Variants in C2CD2L observed in about 807,000 individuals in gnomAD.
The protein encoded by C2CD2L is C2CD2 like.
C2CD2L carries 24 observed loss-of-function variants against 69.9 expected under a neutral mutation model. The ratio of observed to expected loss-of-function variants is 0.34; its 90% confidence interval spans 0.25 to 0.48. C2CD2L has a LOEUF of 0.48. Ranked by LOEUF, C2CD2L falls within the 20% of genes least tolerant of loss-of-function variation. The pLI, the probability that C2CD2L is intolerant of heterozygous loss-of-function variation, is 0.99. For missense variants in C2CD2L, 811 were observed against 941.5 expected (o/e 0.86, Z 1.81); for synonymous variants, 367 against 391.0 (o/e 0.94, Z 0.72).
chr11:119,113,321 C>A, intron 10 of C2CD2L: 1 of 435,798 alleles, frequency 2.3e-6, no homozygotes, highest in Non-Finnish European at 4.1e-6. Context: ...AGGGGCCCCA[C>A]TGAATTGCCC....
At position 119,110,578 on chromosome 11, in the gene C2CD2L, C is replaced by T. The variant is rs752934761; in HGVS notation, c.468C>T (p.Leu156=). 3.7e-5 allele frequency: 60 copies of T among 1,609,520 alleles called. 1 individual carries two copies. In the Middle Eastern group the frequency reaches 6.2e-4, roughly 17 times the overall value. ...GGTCTCAGGTGCTGCGTTGCCAGCT[C>T]TCTGCTGAGGAGGTGCGGTTCCCAG... ...SEHTMVLRCQ[L]SAEEVRFPVS... is the part of the protein sequence containing the mutation. Residue 156 remains leucine, a synonymous_variant, in exon 3 of 14, where the codon CTC becomes CTT. Transcript: ENST00000648610. This position sits in a 1 kb window ranked among gnomAD's most constrained non-coding sequence, Gnocchi z 5.7.
rs752017704 is a variant in C2CD2L, at chr11:119,116,476, T to C, written c.*220T>C. ...AGGACATGGACGAGGGACTGGTGGC[T>C]GGGAGGGAGAGGAGGGCCCTGTCCG... is the stretch of plus-strand genomic sequence containing the variant. On this transcript the variant is annotated 3_prime_UTR_variant, in exon 14 of 14. Transcript: ENST00000648610. The C allele has an allele frequency of 4.5e-5, 27 of 594,584 alleles. No individual in the cohort carries two copies. Among genetic ancestry groups the C allele is most frequent in the Non-Finnish European group, 7.5e-5 (25 of 333,628 alleles). The allele number at this position is 594,584 out of a possible 1,614,324, so 36.8% of individuals were successfully genotyped here. A position where few individuals can be genotyped will look rare whatever the true frequency, so the allele number is the denominator to read the frequency against.
chr11:119,102,723 C>A (rs901226918), upstream of C2CD2L, among the ~76,000 whole-genome samples: 1 of 152,084 alleles, frequency 6.6e-6, no homozygotes, highest in African/African-American at 2.4e-5. Context: ...GGAATCAGAC[C>A]CACAACTGAT....
rs1946804638 is a variant in C2CD2L, at chr11:119,113,549, C to T, written c.1388-62C>T. 10 of 1,547,368 alleles carry T rather than the reference C, an allele frequency of 6.5e-6. No homozygotes were observed. In the East Asian group the frequency reaches 1.9e-4, roughly 29 times the overall value. ...CCCAAAGTCTGCATCTCAACAAAGA[C>T]AGTAGGGGTGGGGGCCACTCTGAAG... is the stretch of plus-strand genomic sequence containing the variant. On this transcript the variant is annotated intron_variant, in intron 10 of 13. Coordinates refer to ENST00000648610, the MANE Select transcript of C2CD2L (RefSeq NM_001290474.2).
chr11:119,112,685 C>T lies in C2CD2L; in HGVS notation c.1213-15C>T, dbSNP rs771512046. 6.2e-7 allele frequency: 1 copy of T among 1,611,964 alleles called. No homozygotes were observed. The highest frequency in any genetic ancestry group is 2.2e-5 in the East Asian group (1 of 44,872). On this transcript the variant is annotated splice_polypyrimidine_tract_variant and intron_variant, in intron 9 of 13. Coordinates refer to ENST00000648610, the MANE Select transcript of C2CD2L (RefSeq NM_001290474.2). ...CTCCGAGGCTCTGTCTCTTCTCTCT[C>T]CCACCCCTGGGCAGCTTCACTATGA...
At chr11:119,115,977 G>T in intron 13 of C2CD2L, 68 bp from the exon 14 acceptor site, 1 of 1,283,202 alleles carries the variant, frequency 7.8e-7, no homozygotes, top group Non-Finnish European at 1.1e-6. Flanking sequence ...ATTCTCCATC[G>T]TGTCTCTGCC....
Position 119,114,631 on chromosome 11 carries a change from G to A in C2CD2L, c.1909+266G>A. ...CCTGAGTCTAAGTGCCATTTTTCCT[G>A]CCCTTTAAAAAAAAATTATAAAAAT... On this transcript the variant is annotated intron_variant, in intron 13 of 13. Transcript: ENST00000648610. The surrounding 1 kb of genome is among the most constrained non-coding windows in gnomAD (Gnocchi z 5.1). The A allele has an allele frequency of 2.3e-6, 1 of 429,744 alleles. No homozygotes were observed. Among genetic ancestry groups the A allele is most frequent in the Non-Finnish European group, 4.0e-6 (1 of 251,474 alleles). 26.6% of individuals were successfully genotyped at this position (429,744 alleles called of 1,614,324 possible). A position where few individuals can be genotyped will look rare whatever the true frequency, so the allele number is the denominator to read the frequency against.
In C2CD2L at chr11:119,109,034, C is replaced by T. The variant is rs1338425221; in HGVS notation, c.354+939C>T. ...GGCATCTGTCAGTTTACACCTTGAA[C>T]CCACCTCTTCATCCAACTCTCCCTG... is the stretch of plus-strand genomic sequence containing the variant. On this transcript the variant is annotated intron_variant, in intron 1 of 13. Coordinates refer to ENST00000648610, the MANE Select transcript of C2CD2L (RefSeq NM_001290474.2). The surrounding 1 kb of genome is among the most constrained non-coding windows in gnomAD (Gnocchi z 5.1). Among the ~76,000 whole-genome samples the T allele has an allele frequency of 6.6e-6, 1 of 152,200 alleles. No homozygotes were observed. The highest frequency in any genetic ancestry group is 2.4e-5 in the African/African-American group (1 of 41,454).
chr11:119,116,431 G>A lies in C2CD2L; in HGVS notation c.*175G>A. On this transcript the variant is annotated 3_prime_UTR_variant, in exon 14 of 14. Coordinates refer to ENST00000648610, the MANE Select transcript of C2CD2L (RefSeq NM_001290474.2). ...GATACTTGGAACGGGAAGCACATGAGAGGTGGGCACCCGGTGCCGAGGACA... is the reference window on the plus strand; with the variant it reads ...GATACTTGGAACGGGAAGCACATGAAAGGTGGGCACCCGGTGCCGAGGACA... 1 of 614,806 alleles carries A rather than the reference G, an allele frequency of 1.6e-6. No individual in the cohort carries two copies. The highest frequency in any genetic ancestry group is 2.8e-5 in the East Asian group (1 of 36,362). The allele number at this position is 614,806 out of a possible 1,614,324, so 38.1% of individuals were successfully genotyped here.
In C2CD2L at chr11:119,107,791, T is replaced by C. The variant is rs1350348951; in HGVS notation, c.50T>C (p.Ile17Thr). The change falls in exon 1 of 14, where the codon ATC becomes ACC. Residue 17 changes from isoleucine to threonine, a missense_variant. By Grantham distance (89) the Ile-to-Thr change is moderately conservative (BLOSUM62 -1). Coordinates refer to ENST00000648610, the MANE Select transcript of C2CD2L (RefSeq NM_001290474.2). This position sits in a 1 kb window ranked among gnomAD's most constrained non-coding sequence, Gnocchi z 5.4. Reference sequence around the variant, plus strand: ...GACGTGGGCTGGGCGGCCTTGCTGATCCTCTTCGCCGCCTCGCTGCTCACG... The same window carrying C: ...GACGTGGGCTGGGCGGCCTTGCTGACCCTCTTCGCCGCCTCGCTGCTCACG... The part of the protein sequence containing the change: ...QRDVGWAALL[I>T]LFAASLLTVF... The C allele has an allele frequency of 1.3e-6, 2 of 1,548,976 alleles. No individual in the cohort carries two copies. The highest frequency in any genetic ancestry group is 1.2e-5 in the South Asian group (1 of 85,268).
At chr11:119,106,254 C>T (rs750025798), upstream of C2CD2L, among the ~76,000 whole-genome samples, 5 of 152,228 alleles carry the variant, frequency 3.3e-5, no homozygotes, top group Non-Finnish European at 7.4e-5. Flanking sequence ...CTCTTATTCT[C>T]ATGTGCTCAT....
rs1240176802 is a variant in C2CD2L, at chr11:119,110,859, C to T, written c.583C>T (p.Leu195=). Residue 195 remains leucine, a synonymous_variant, in exon 4 of 14, where the codon CTG becomes TTG. Transcript: ENST00000648610. The surrounding 1 kb of genome is among the most constrained non-coding windows in gnomAD (Gnocchi z 5.7). ...TTCCTGTCTGTAGTTGGAAGTCAAC[C>T]TGGAGGAAATCCCTGGTGAGGGGCT... ...TLPPTQLEVN[L]EEIPGEGLLI... 6.2e-7 allele frequency: 1 copy of T among 1,614,062 alleles called. No individual in the cohort carries two copies. Among genetic ancestry groups the T allele is most frequent in the Admixed American group, 1.7e-5 (1 of 60,008 alleles).
At position 119,109,587 on chromosome 11, in the gene C2CD2L, T is replaced by C. The variant is rs1946683432; in HGVS notation, c.355-517T>C. Among the ~76,000 whole-genome samples, 1 of 152,158 alleles carries C rather than the reference T, an allele frequency of 6.6e-6. No homozygotes were observed. The highest frequency in any genetic ancestry group is 6.5e-5 in the Admixed American group (1 of 15,272). On this transcript the variant is annotated intron_variant, in intron 1 of 13. Coordinates refer to ENST00000648610, the MANE Select transcript of C2CD2L (RefSeq NM_001290474.2). This position sits in a 1 kb window ranked among gnomAD's most constrained non-coding sequence, Gnocchi z 5.1. Reference sequence around the variant, plus strand: ...GCATCATACTCTTGAAGCCTCCACATCTTATTTATTTGGAAGAAGGCTTAG... The same window carrying C: ...GCATCATACTCTTGAAGCCTCCACACCTTATTTATTTGGAAGAAGGCTTAG...
At position 119,114,227 on chromosome 11, in the gene C2CD2L, C is replaced by T. The variant is rs1946828263; in HGVS notation, c.1771C>T (p.Leu591Phe). ...CATGTCTCCAGGACCGCTAGATGCC[C>T]TCTCTAGTCCCACAAGTGTCCAGGA... is the stretch of plus-strand genomic sequence containing the variant. ...PAMSPGPLDA[L>F]SSPTSVQEAD... The change falls in exon 13 of 14, where the codon CTC becomes TTC. Residue 591 changes from leucine to phenylalanine, a missense_variant. Physicochemically the swap from Leu to Phe is conservative, Grantham distance 22. Transcript: ENST00000648610. This position sits in a 1 kb window ranked among gnomAD's most constrained non-coding sequence, Gnocchi z 5.1. 1.2e-6 allele frequency: 2 copies of T among 1,614,182 alleles called. No individual in the cohort carries two copies. The highest frequency in any genetic ancestry group is 1.7e-6 in the Non-Finnish European group (2 of 1,180,016).
Position 119,107,640 on chromosome 11 carries a change from C to G in C2CD2L, c.-102C>G. The G allele has an allele frequency of 1.5e-6, 1 of 655,030 alleles. No homozygotes were observed. 40.6% of individuals were successfully genotyped at this position (655,030 alleles called of 1,614,324 possible). A position where few individuals can be genotyped will look rare whatever the true frequency, so the allele number is the denominator to read the frequency against. On this transcript the variant is annotated 5_prime_UTR_variant, in exon 1 of 14. Transcript: ENST00000648610. This position sits in a 1 kb window ranked among gnomAD's most constrained non-coding sequence, Gnocchi z 5.4. Reference sequence around the variant, plus strand: ...AGAGCCCCCGACCCCGCGCGCCCAGCCCCGGGGGAGCCCACCTCCTCCCCG... The same window carrying G: ...AGAGCCCCCGACCCCGCGCGCCCAGGCCCGGGGGAGCCCACCTCCTCCCCG...
chr11:119,113,480 C>A, intron 10 of C2CD2L, 131 bp from the exon 11 acceptor site: 3 of 1,343,666 alleles, frequency 2.2e-6, no homozygotes, highest in South Asian at 1.4e-5. Flanking sequence ...TCCTAATCAC[C>A]CTTGTGATTA....
rs558453944 is a variant in C2CD2L, at chr11:119,110,734, C to T, written c.570+54C>T. 5 of 1,609,468 alleles carry T rather than the reference C, an allele frequency of 3.1e-6. No homozygotes were observed. The East Asian group carries it at 6.7e-5, about 22-fold the overall frequency. On this transcript the variant is annotated intron_variant, in intron 3 of 13. Coordinates refer to ENST00000648610, the MANE Select transcript of C2CD2L (RefSeq NM_001290474.2). The surrounding 1 kb of genome is among the most constrained non-coding windows in gnomAD (Gnocchi z 5.7). ...GGCAGGGGCGGTTCCATTGGCTCAG[C>T]TTCTTCCATTTGTTTCCTCTCTGGG...
In C2CD2L at chr11:119,110,528, T is replaced by C; in HGVS notation, c.451-33T>C. The C allele has an allele frequency of 6.3e-7, 1 of 1,597,140 alleles. No individual in the cohort carries two copies. The highest frequency in any genetic ancestry group is 8.5e-7 in the Non-Finnish European group (1 of 1,175,872). On this transcript the variant is annotated intron_variant, in intron 2 of 13. Transcript: ENST00000648610. The surrounding 1 kb of genome is among the most constrained non-coding windows in gnomAD (Gnocchi z 5.7). The stretch of plus-strand genomic sequence containing the variant: ...CAGTTCAAAGCAGGGTGAGCACCCT[T>C]CCCCCACATCTGACCCACCTCGCCG...
At position 119,116,230 on chromosome 11, in the gene C2CD2L, A is replaced by AGCT; in HGVS notation, c.2095_2096insGCT (p.Asn699delinsSerTyr). 1 of 1,614,158 alleles carries AGCT rather than the reference A, an allele frequency of 6.2e-7. No homozygotes were observed. Among genetic ancestry groups the AGCT allele is most frequent in the East Asian group, 2.2e-5 (1 of 44,876 alleles). Reference sequence around the variant, plus strand: ...TTCCTTCAAATCCAAACCCAAGGCCAATGGTAACCCCAGCCCCCAGCTCTG... The same window carrying AGCT: ...TTCCTTCAAATCCAAACCCAAGGCCAGCTATGGTAACCCCAGCCCCCAGCTCTG... On this transcript the variant is annotated protein_altering_variant, in exon 14 of 14. Transcript: ENST00000648610.
Sources: allele counts gnomAD v4.1 joint callset (sites outside exome capture counted in the v4.1 genomes callset), GRCh38; gene constraint gnomAD v4.1.1; non-coding constraint Gnocchi (gnomAD v3.1); transcripts MANE v1.5; gene names NCBI Gene and HGNC (gene_info 2026-07-23, HGNC 2026-07-21).